Variants in WNT5A observed in about 807,000 individuals in gnomAD.
WNT5A encodes the protein Wnt family member 5A.
WNT5A carries 9 observed loss-of-function variants against 42.1 expected under a neutral mutation model. That is an observed-to-expected ratio of 0.21 (90% CI 0.13 to 0.37). The LOEUF (loss-of-function observed/expected upper bound fraction) is 0.37, where lower values mean the gene tolerates loss of function less well. WNT5A is among the 10% of genes least tolerant of loss of function. WNT5A has a pLI of 1.00. For synonymous variants in WNT5A, 210 were observed against 210.0 expected, an observed-to-expected ratio of 1.00 and a Z score of 0.00; for missense variants, 426 against 534.0, an observed-to-expected ratio of 0.80 and a Z score of 1.99.
the WNT5A span, among the ~76,000 whole-genome samples, chr3:55,499,249 G>A: frequency 6.6e-6 from 1 of 152,220 alleles, no homozygotes; most frequent in Admixed American, 6.5e-5. Flanking sequence ...GGGCTAGGAA[G>A]AAACCACGGG....
At chr3:55,482,431 C>A (rs1386548456) in intron 1 of WNT5A, among the ~76,000 whole-genome samples, 1 of 152,122 alleles carries the variant, frequency 6.6e-6, no homozygotes, top group Non-Finnish European at 1.5e-5. Flanking sequence ...GCCCCTTCCA[C>A]AGAAAAGAAA....
At position 55,467,997 on chromosome 3, in the gene WNT5A, G is replaced by A. The variant is rs1206033787; in HGVS notation, c.*2095C>T. On this transcript the variant is annotated 3_prime_UTR_variant, in exon 5 of 5. Transcript: ENST00000264634. ...AATATCATTATGCAATAAATTAAGA[G>A]CCACAGTTGGCTGAGGTGATATGAA... 4 of 152,136 alleles carry A rather than the reference G, an allele frequency of 2.6e-5. No individual in the cohort carries two copies. In the South Asian group the frequency reaches 6.2e-4, roughly 24 times the overall value. 9.4% of individuals were successfully genotyped at this position (152,136 alleles called of 1,614,324 possible). A position where few individuals can be genotyped will look rare whatever the true frequency, so the allele number is the denominator to read the frequency against.
At chr3:55,492,833 A>C (rs779421041), upstream of WNT5A, among the ~76,000 whole-genome samples, 18 of 152,306 alleles carry the variant, frequency 1.2e-4, no homozygotes, top group Middle Eastern at 3.4e-3. Flanking sequence ...TGCATTGTGG[A>C]GAAAAGGAAG....
chr3:55,474,230 A>G lies in WNT5A; in HGVS notation c.684+107T>C. 2.8e-6 allele frequency: 4 copies of G among 1,406,652 alleles called. No individual in the cohort carries two copies. In the South Asian group the frequency reaches 3.8e-5, roughly 13 times the overall value. 87.1% of individuals were successfully genotyped at this position (1,406,652 alleles called of 1,614,324 possible). On this transcript the variant is annotated intron_variant, in intron 4 of 4. Coordinates refer to ENST00000264634, the MANE Select transcript of WNT5A (RefSeq NM_003392.7). ...AGAGATAGAGACAGGACCATATAGC[A>G]AAGGAGTGGCAGAGGAGAGGACGGA...
At chr3:55,473,666 C>A (rs943603186) in intron 4 of WNT5A, among the ~76,000 whole-genome samples, 1 of 152,130 alleles carries the variant, frequency 6.6e-6, no homozygotes, top group African/African-American at 2.4e-5. Flanking sequence ...AAAATGCTGT[C>A]CTTTTCCTAG....
chr3:55,495,477 C>G (rs2051706089), upstream of WNT5A, among the ~76,000 whole-genome samples: 1 of 152,216 alleles, frequency 6.6e-6, no homozygotes, highest in African/African-American at 2.4e-5. Flanking sequence ...TTAGCATAAT[C>G]TCCTCTAGGT....
chr3:55,491,391 C>T (rs1480140417), upstream of WNT5A, among the ~76,000 whole-genome samples: 1 of 152,148 alleles, frequency 6.6e-6, no homozygotes, highest in East Asian at 1.9e-4. Context: ...TGGGTGTGTG[C>T]CTCAGATTGA....
rs1210285473 is a variant in WNT5A, at chr3:55,465,880, TAATTC to T, written c.*4207_*4211del. ...CTTTTAAAATACTGAGACAGCATTT[TAATTC>T]AATATTCTAGGTTCAAACTGATACA... On this transcript the variant is annotated 3_prime_UTR_variant, in exon 5 of 5. Coordinates refer to ENST00000264634, the MANE Select transcript of WNT5A (RefSeq NM_003392.7). The T allele has an allele frequency of 1.1e-4, 16 of 152,238 alleles. No individual in the cohort carries two copies. The highest frequency in any genetic ancestry group is 2.1e-4 in the Non-Finnish European group (14 of 68,040). The allele number at this position is 152,238 out of a possible 1,614,324, so 9.4% of individuals were successfully genotyped here.
intron 1 of WNT5A, among the ~76,000 whole-genome samples, chr3:55,482,996 T>G (rs896239136): frequency 6.6e-6 from 1 of 152,212 alleles, no homozygotes; most frequent in Non-Finnish European, 1.5e-5. Flanking sequence ...GCTGGCCGCG[T>G]GCACTTTCCA....
At chr3:55,498,681 C>A in the WNT5A span, among the ~76,000 whole-genome samples, 2 of 152,152 alleles carry the variant, frequency 1.3e-5, no homozygotes, top group South Asian at 4.1e-4. Context: ...GCTAGCTCCA[C>A]CCCCTGACTT....
rs1170433826 is a variant in WNT5A, at chr3:55,483,922, T to A, written c.7-3004A>T. 6.6e-6 allele frequency among the ~76,000 whole-genome samples: 1 copy of A among 151,948 alleles called. No individual in the cohort carries two copies. Among genetic ancestry groups the A allele is most frequent in the East Asian group, 1.9e-4 (1 of 5,148 alleles). On this transcript the variant is annotated intron_variant, in intron 1 of 4. Transcript: ENST00000264634. This position sits in a 1 kb window ranked among gnomAD's most constrained non-coding sequence, Gnocchi z 4.2. ...CGCGGGGAGCAGCCGGATGCACACCTAAAGTCTCGCAACACCCAACTCCTC... is the reference window on the plus strand; with the variant it reads ...CGCGGGGAGCAGCCGGATGCACACCAAAAGTCTCGCAACACCCAACTCCTC...
In WNT5A at chr3:55,487,302, CTG is replaced by C; in HGVS notation, c.-319_-318del. The C allele has an allele frequency of 2.4e-6, 1 of 418,204 alleles. No individual in the cohort carries two copies. The highest frequency in any genetic ancestry group is 4.0e-5 in the East Asian group (1 of 24,762). The allele number at this position is 418,204 out of a possible 1,614,324, so 25.9% of individuals were successfully genotyped here. ...CGGTCCGGCGAGGGCGCGCAGGCAA[CTG>C]TTCCACGGAGAGGCGCTCCGTTTCC... On this transcript the variant is annotated 5_prime_UTR_variant, in exon 1 of 5. Transcript: ENST00000264634.
chr3:55,489,232 AAT>A, upstream of WNT5A: 1 of 152,208 alleles, frequency 6.6e-6, no homozygotes, highest in East Asian at 2.0e-4. Context: ...ACTGGAGCGT[AAT>A]AGTTATTTTC....
In WNT5A at chr3:55,466,542, G is replaced by C. The variant is rs2051146489; in HGVS notation, c.*3550C>G. 1 of 152,304 alleles carries C rather than the reference G, an allele frequency of 6.6e-6. No homozygotes were observed. Among genetic ancestry groups the C allele is most frequent in the Non-Finnish European group, 1.5e-5 (1 of 68,016 alleles). The allele number at this position is 152,304 out of a possible 1,614,324, so 9.4% of individuals were successfully genotyped here. A position where few individuals can be genotyped will look rare whatever the true frequency, so the allele number is the denominator to read the frequency against. Reference sequence around the variant, plus strand: ...CAGTGCCAGTCTCAGGAGGTCAGTAGCTCACAGAACTCAACAGATAAACTG... The same window carrying C: ...CAGTGCCAGTCTCAGGAGGTCAGTACCTCACAGAACTCAACAGATAAACTG... On this transcript the variant is annotated 3_prime_UTR_variant, in exon 5 of 5. Coordinates refer to ENST00000264634, the MANE Select transcript of WNT5A (RefSeq NM_003392.7).
In WNT5A at chr3:55,465,990, A is replaced by G. The variant is rs2051136438; in HGVS notation, c.*4102T>C. The G allele has an allele frequency of 6.6e-6, 1 of 152,218 alleles. No homozygotes were observed. The highest frequency in any genetic ancestry group is 1.5e-5 in the Non-Finnish European group (1 of 68,034). The allele number at this position is 152,218 out of a possible 1,614,324, so 9.4% of individuals were successfully genotyped here. A position where few individuals can be genotyped will look rare whatever the true frequency, so the allele number is the denominator to read the frequency against. ...GCTAACAAGATGATGTTTCACTAAAATAAAATATCCAATCATCAGATTAAA... is the reference window on the plus strand; with the variant it reads ...GCTAACAAGATGATGTTTCACTAAAGTAAAATATCCAATCATCAGATTAAA... On this transcript the variant is annotated 3_prime_UTR_variant, in exon 5 of 5. Transcript: ENST00000264634.
At chr3:55,484,867 C>T (rs553493034) in intron 1 of WNT5A, among the ~76,000 whole-genome samples, 26 of 152,338 alleles carry the variant, frequency 1.7e-4, no homozygotes, top group African/African-American at 6.3e-4. Flanking sequence ...AAGGTAGTTT[C>T]TCTCCCACTT....
chr3:55,478,682 T>G (rs1176861024), intron 3 of WNT5A, among the ~76,000 whole-genome samples: 1 of 152,206 alleles, frequency 6.6e-6, no homozygotes, highest in Non-Finnish European at 1.5e-5. Flanking sequence ...CTCTTAATTT[T>G]TTTTTCAAGT....
At chr3:55,487,509 T>G (rs1168931685), upstream of WNT5A, 1 of 153,624 alleles carries the variant, frequency 6.5e-6, no homozygotes, top group Non-Finnish European at 1.4e-5. Context: ...TGCGCCCAGG[T>G]GCCCCCAGTT....
the WNT5A span, among the ~76,000 whole-genome samples, chr3:55,499,602 A>G: frequency 5.9e-5 from 9 of 152,330 alleles, 1 homozygote; most frequent in South Asian, 1.9e-3. Context: ...TAAATCCATT[A>G]GCGGTTGACT....
Sources: gnomAD v4.1 joint callset for allele counts (sites outside exome capture counted in the v4.1 genomes callset) on GRCh38, gnomAD v4.1.1 for gene constraint, Gnocchi (gnomAD v3.1) non-coding constraint, MANE v1.5 for transcripts, NCBI Gene and HGNC (gene_info 2026-07-23, HGNC 2026-07-21) for gene names.